TRIM24: variants seen among roughly 807,000 people sequenced by gnomAD.
TRIM24 encodes the protein transcription intermediary factor 1-alpha.
Under a neutral mutation model 123.9 loss-of-function variants are expected in TRIM24, and 29 were observed. The ratio of observed to expected loss-of-function variants is 0.23; its 90% CI spans 0.17 to 0.32. TRIM24 has a LOEUF of 0.32. Ranked by LOEUF, TRIM24 falls within the 10% of genes least tolerant of loss-of-function variation. The pLI is 1.00. For missense variants in TRIM24, 932 were observed against 1,295.3 expected (o/e 0.72, Z 4.31); for synonymous variants, 456 against 461.1 (o/e 0.99, Z 0.14).
At chr7:138,536,504 A>C in intron 6 of TRIM24, among the ~76,000 whole-genome samples, 1 of 152,242 alleles carries the variant, frequency 6.6e-6, no homozygotes, top group South Asian at 2.1e-4. Flanking sequence ...TTGCCTGGGT[A>C]TCAGCATTGG....
At chr7:138,546,349 G>C (rs750702714) in intron 7 of TRIM24, among the ~76,000 whole-genome samples, 12 of 152,138 alleles carry the variant, frequency 7.9e-5, no homozygotes, top group African/African-American at 1.9e-4. Context: ...TGAACGAAAG[G>C]GAAAGACTGA....
At chr7:138,483,013 G>A (rs1469268598) in intron 1 of TRIM24, among the ~76,000 whole-genome samples, 2 of 152,092 alleles carry the variant, frequency 1.3e-5, no homozygotes, top group East Asian at 3.9e-4. Flanking sequence ...AGCCTCCTGG[G>A]CTCAAGTCAT....
At chr7:138,552,862 A>G (rs182903082) in intron 8 of TRIM24, among the ~76,000 whole-genome samples, 2 of 152,340 alleles carry the variant, frequency 1.3e-5, no homozygotes, top group Non-Finnish European at 2.9e-5. Flanking sequence ...GAACATGTGT[A>G]TAAGTAACTT....
intron 9 of TRIM24, among the ~76,000 whole-genome samples, chr7:138,566,977 A>G (rs1214555350): frequency 6.6e-6 from 1 of 152,242 alleles, no homozygotes; most frequent in East Asian, 1.9e-4. Context: ...TATCTATAAA[A>G]TAGAAATAAT....
intron 1 of TRIM24, among the ~76,000 whole-genome samples, chr7:138,469,577 C>G (rs1457860208): frequency 6.6e-6 from 1 of 152,046 alleles, no homozygotes; most frequent in East Asian, 1.9e-4. Context: ...GCTGGGATTA[C>G]AGGTGTGAGC....
Position 138,586,034 on chromosome 7 carries a change from T to G in TRIM24, c.*1083T>G. 2.3e-6 allele frequency: 1 copy of G among 438,988 alleles called. No homozygotes were observed. The highest frequency in any genetic ancestry group is 4.5e-6 in the Non-Finnish European group (1 of 223,310). The allele number at this position is 438,988 out of a possible 1,614,324, so 27.2% of individuals were successfully genotyped here. On this transcript the variant is annotated 3_prime_UTR_variant, in exon 19 of 19. Coordinates refer to ENST00000343526, the MANE Select transcript of TRIM24 (RefSeq NM_015905.3). ...TTTCCTGAAGCATCTATCTCATGTT[T>G]TTCTTTTGAGAGTCAGAACATCAAA... is the stretch of plus-strand genomic sequence containing the variant.
intron 4 of TRIM24, among the ~76,000 whole-genome samples, chr7:138,520,530 C>T (rs548528998): frequency 3.9e-5 from 6 of 151,978 alleles, no homozygotes; most frequent in Admixed American, 2.0e-4. Context: ...AGACCCCATC[C>T]CCACAAAAAA....
chr7:138,560,686 T>C (rs1051211951), intron 9 of TRIM24, among the ~76,000 whole-genome samples: 1 of 152,214 alleles, frequency 6.6e-6, no homozygotes, highest in African/African-American at 2.4e-5. Flanking sequence ...GATGGAATTG[T>C]CTTACAAATT....
chr7:138,512,227 C>G (rs938107481), intron 2 of TRIM24, among the ~76,000 whole-genome samples: 2 of 152,184 alleles, frequency 1.3e-5, no homozygotes, highest in Non-Finnish European at 2.9e-5. Context: ...TCATAGGTTG[C>G]TCTCATGGGT....
In TRIM24 at chr7:138,538,643, T is replaced by G. The variant is rs951389013; in HGVS notation, c.997-14T>G. 5 of 1,613,726 alleles carry G rather than the reference T, an allele frequency of 3.1e-6. No individual in the cohort carries two copies. The highest frequency in any genetic ancestry group is 4.2e-6 in the Non-Finnish European group (5 of 1,179,776). ...ATGCTGATACTAATTTTGAAACTAT[T>G]TTCTTGTTTTCAGAGCCTTGCAAAG... On this transcript the variant is annotated splice_polypyrimidine_tract_variant and intron_variant, in intron 6 of 18. Transcript: ENST00000343526.
chr7:138,474,280 T>C lies in TRIM24; in HGVS notation c.364+13368T>C, dbSNP rs190923198. Among the ~76,000 whole-genome samples, 643 of 152,038 alleles carry C rather than the reference T, an allele frequency of 4.2e-3. 6 individuals carry two copies. Among genetic ancestry groups the C allele is most frequent in the African/African-American group, 0.015 (630 of 41,478 alleles). Reference sequence around the variant, plus strand: ...AGCTGGGACTACAGGCGTCCGCTACTGCGCCCAGCTAATTTTTTGTATTTT... The same window carrying C: ...AGCTGGGACTACAGGCGTCCGCTACCGCGCCCAGCTAATTTTTTGTATTTT... On this transcript the variant is annotated intron_variant, in intron 1 of 18. Coordinates refer to ENST00000343526, the MANE Select transcript of TRIM24 (RefSeq NM_015905.3).
intron 6 of TRIM24, among the ~76,000 whole-genome samples, chr7:138,538,410 C>T (rs1432927369): frequency 2.0e-5 from 3 of 152,112 alleles, no homozygotes; most frequent in African/African-American, 7.2e-5. Context: ...CATGCATGAA[C>T]AGAGTTAAAT....
chr7:138,507,603 A>G (rs539386508), intron 2 of TRIM24, among the ~76,000 whole-genome samples: 11 of 152,254 alleles, frequency 7.2e-5, no homozygotes, highest in Admixed American at 7.2e-4. Context: ...GATTACAGGC[A>G]TAAGCCACTG....
chr7:138,543,790 GTTA>G (rs1232937155), intron 7 of TRIM24, among the ~76,000 whole-genome samples: 3 of 152,136 alleles, frequency 2.0e-5, no homozygotes, highest in East Asian at 3.9e-4. Flanking sequence ...ACATAACAGT[GTTA>G]TTATGGAGGT....
intron 1 of TRIM24, among the ~76,000 whole-genome samples, chr7:138,481,342 T>A (rs1234447200): frequency 6.6e-6 from 1 of 152,024 alleles, no homozygotes; most frequent in Non-Finnish European, 1.5e-5. Flanking sequence ...TGCCTCAGCC[T>A]CCCAAATATC....
rs1489306408 is a variant in TRIM24, at chr7:138,583,850, G to T, written c.2794G>T (p.Val932Leu). Residue 932 changes from valine (V) to leucine (L), a missense_variant and splice_region_variant, in exon 18 of 19, where the codon GTG becomes TTG. Transcript: ENST00000343526. ...TTATAACATCTCATTTTTTTAATAG[G>T]TGCCTGATTATTACAAAATAATTAA... ...LAFQDPVPLT[V>L]PDYYKIIKNP... The T allele has an allele frequency of 6.4e-7, 1 of 1,551,624 alleles. No homozygotes were observed. The highest frequency in any genetic ancestry group is 1.4e-5 in the African/African-American group (1 of 71,798).
In TRIM24 at chr7:138,497,077, A is replaced by G. The variant is rs1795922935; in HGVS notation, c.365-7213A>G. 2.0e-5 allele frequency among the ~76,000 whole-genome samples: 3 copies of G among 152,160 alleles called. No individual in the cohort carries two copies. The South Asian group carries it at 6.2e-4, about 32-fold the overall frequency. ...ACTGTCCAATTTTAGTATCAGGGTA[A>G]TACTGGCCTCATAAAATAAGGTTGG... On this transcript the variant is annotated intron_variant, in intron 1 of 18. Transcript: ENST00000343526.
intron 6 of TRIM24, among the ~76,000 whole-genome samples, chr7:138,530,657 G>A (rs563616431): frequency 4.0e-4 from 60 of 151,800 alleles, no homozygotes; most frequent in South Asian, 1.7e-3. Flanking sequence ...TTAAGAGGGG[G>A]GGTTTTGACA....
Position 138,517,037 on chromosome 7 carries a change from C to G in TRIM24, c.631+1678C>G, listed in dbSNP as rs114618559. Among the ~76,000 whole-genome samples, 501 of 150,968 alleles carry G rather than the reference C, an allele frequency of 3.3e-3. 2 individuals carry two copies. The highest frequency in any genetic ancestry group is 0.012 in the African/African-American group (483 of 41,130). On this transcript the variant is annotated intron_variant, in intron 3 of 18. Transcript: ENST00000343526. ...GGAGGACCACTTGAACCAGGGAGCT[C>G]GAAGCTGCAGTGACCTGTGATAATT...
Sources: gnomAD v4.1 joint callset for allele counts (sites outside exome capture counted in the v4.1 genomes callset) on GRCh38, gnomAD v4.1.1 for gene constraint, MANE v1.5 for transcripts, NCBI Gene and HGNC (gene_info 2026-07-23, HGNC 2026-07-21) for gene names.